Variants in LHX5 observed in about 807,000 individuals in gnomAD.
The protein encoded by LHX5 is LIM/homeobox protein Lhx5.
In LHX5, 5 loss-of-function variants were observed where a neutral mutation model predicts 30.6. The observed-to-expected ratio is 0.16, with a 90% CI of 0.09 to 0.34. The LOEUF is 0.34. Among genes scored for constraint, LHX5 ranks in the 10% least tolerant of loss-of-function variants. The pLI is 1.00. For synonymous variants in LHX5, 266 were observed against 252.6 expected, an observed-to-expected ratio of 1.05 and a Z score of -0.50; for missense variants, 458 against 570.6, an observed-to-expected ratio of 0.80 and a Z score of 2.01.
At chr12:113,471,297 G>T in intron 1 of LHX5, 29 bp downstream of exon 1, 1 of 1,609,810 alleles carries the variant, frequency 6.2e-7, no homozygotes, top group Non-Finnish European at 8.5e-7. Flanking sequence ...GGGTGGGCGC[G>T]CAGGCAGCAG....
chr12:113,469,081 G>T, intron 2 of LHX5, 41 bp downstream of exon 2: 5 of 1,478,144 alleles, frequency 3.4e-6, no homozygotes, highest in Non-Finnish European at 4.6e-6. Context: ...CGGTGGGAGG[G>T]TGCTAAGGCC....
In LHX5 at chr12:113,463,352, G is replaced by T; in HGVS notation, c.1047C>A (p.Asp349Glu). 1 of 1,548,256 alleles carries T rather than the reference G, an allele frequency of 6.5e-7. No individual in the cohort carries two copies. The highest frequency in any genetic ancestry group is 2.5e-5 in the East Asian group (1 of 40,458). ...PRFTDMISHP[D>E]TPSPEPGLPG... is the part of the protein sequence containing the mutation. ...GCAGGCCTGGCTCGGGGCTCGGTGT[G>T]TCCGGGTGCGAGATCATGTCGGTGA... The change falls in exon 5 of 5, where the codon GAC (aspartate) becomes GAA (glutamate). Residue 349 changes from aspartate to glutamate, a missense_variant. Around this residue, in one of 3 missense-constraint regions of LHX5, gnomAD observed 255 missense variants for 246.8 expected, o/e 1.03. Coordinates refer to ENST00000261731, the MANE Select transcript of LHX5 (RefSeq NM_022363.3). The surrounding 1 kb of genome is among the most constrained non-coding windows in gnomAD (Gnocchi z 6.7).
rs1323203602 is a variant in LHX5, at chr12:113,464,520, G to A, written c.842-963C>T. On this transcript the variant is annotated intron_variant, in intron 4 of 4. Transcript: ENST00000261731. The surrounding 1 kb of genome is among the most constrained non-coding windows in gnomAD (Gnocchi z 6.2). ...GTACGGCCGCCGCGTCGATCCCGGT[G>A]AGACCATTTGTACCGGCCTAGCCTA... Among the ~76,000 whole-genome samples the A allele has an allele frequency of 2.0e-5, 3 of 152,198 alleles. No homozygotes were observed. Among genetic ancestry groups the A allele is most frequent in the Non-Finnish European group, 4.4e-5 (3 of 68,024 alleles).
In LHX5 at chr12:113,463,505, G is replaced by A. The variant is rs373410781; in HGVS notation, c.894C>T (p.His298=). The A allele has an allele frequency of 3.8e-6, 6 of 1,564,974 alleles. No individual in the cohort carries two copies. The highest frequency in any genetic ancestry group is 5.2e-6 in the Non-Finnish European group (6 of 1,163,328). ...APGSNYDFFA[H]GPPSQAQSPA... is the part of the protein sequence containing the mutation. The stretch of plus-strand genomic sequence containing the variant: ...GGGACTGCGCCTGCGAAGGCGGGCC[G>A]TGCGCGAAGAAGTCGTAGTTGCTTC... Residue 298 remains histidine, a synonymous_variant, in exon 5 of 5, where the codon CAC becomes CAT. Transcript: ENST00000261731. This position sits in a 1 kb window ranked among gnomAD's most constrained non-coding sequence, Gnocchi z 6.7.
rs1958252253 is a variant in LHX5, at chr12:113,471,574, G to C, written c.-76C>G. The C allele has an allele frequency of 7.3e-7, 1 of 1,370,576 alleles. No individual in the cohort carries two copies. The highest frequency in any genetic ancestry group is 2.5e-5 in the East Asian group (1 of 39,974). 84.9% of individuals were successfully genotyped at this position (1,370,576 alleles called of 1,614,324 possible). Reference sequence around the variant, plus strand: ...GGCCCTCGGGCCTGCCGGGCCCTCCGCTGCCCTTCGCCTCTTGTCTCAGCA... The same window carrying C: ...GGCCCTCGGGCCTGCCGGGCCCTCCCCTGCCCTTCGCCTCTTGTCTCAGCA... On this transcript the variant is annotated 5_prime_UTR_variant, in exon 1 of 5. Transcript: ENST00000261731.
Position 113,463,188 on chromosome 12 carries a change from C to T in LHX5, c.*2G>A, listed in dbSNP as rs1234036576. ...CCGAGCGCGGGGGGCGGCCCGGCGG[C>T]CTTACCACACGGCGGCTTCGTTGAG... is the stretch of plus-strand genomic sequence containing the variant. On this transcript the variant is annotated 3_prime_UTR_variant, in exon 5 of 5. Transcript: ENST00000261731. This position sits in a 1 kb window ranked among gnomAD's most constrained non-coding sequence, Gnocchi z 6.7. The T allele has an allele frequency of 2.0e-6, 3 of 1,510,338 alleles. No homozygotes were observed. The highest frequency in any genetic ancestry group is 1.4e-5 in the African/African-American group (1 of 69,138). 93.6% of individuals were successfully genotyped at this position (1,510,338 alleles called of 1,614,324 possible). A position where few individuals can be genotyped will look rare whatever the true frequency, so the allele number is the denominator to read the frequency against.
rs1422462265 is a variant in LHX5, at chr12:113,466,665, G to C, written c.841+591C>G. Among the ~76,000 whole-genome samples the C allele has an allele frequency of 6.6e-6, 1 of 152,218 alleles. No homozygotes were observed. Among genetic ancestry groups the C allele is most frequent in the Non-Finnish European group, 1.5e-5 (1 of 68,038 alleles). ...CTGTGCGCACACACCCCGCCACATG[G>C]AACAGGAGTTGCTGCCTTCGATGCT... On this transcript the variant is annotated intron_variant, in intron 4 of 4. Coordinates refer to ENST00000261731, the MANE Select transcript of LHX5 (RefSeq NM_022363.3). The surrounding 1 kb of genome is among the most constrained non-coding windows in gnomAD (Gnocchi z 6.5).
rs1958214456 is a variant in LHX5 at position 113,466,192 on chromosome 12, C to T, written c.841+1064G>A. Among the ~76,000 whole-genome samples the T allele has an allele frequency of 6.6e-6, 1 of 152,142 alleles. No individual in the cohort carries two copies. Among genetic ancestry groups the T allele is most frequent in the Non-Finnish European group, 1.5e-5 (1 of 68,032 alleles). On this transcript the variant is annotated intron_variant, in intron 4 of 4. Transcript: ENST00000261731. The surrounding 1 kb of genome is among the most constrained non-coding windows in gnomAD (Gnocchi z 6.5). ...GCGTTACAACTCAGAAGTGCAGATGCCTCTCAGACATAGACAGTCCTGGGG... is the reference window on the plus strand; with the variant it reads ...GCGTTACAACTCAGAAGTGCAGATGTCTCTCAGACATAGACAGTCCTGGGG...
chr12:113,463,015 C>T lies in LHX5; in HGVS notation c.*175G>A, dbSNP rs551735433. 7.3e-5 allele frequency: 42 copies of T among 574,614 alleles called. No homozygotes were observed. In the East Asian group the frequency reaches 1.4e-3, roughly 20 times the overall value. The allele number at this position is 574,614 out of a possible 1,614,324, so 35.6% of individuals were successfully genotyped here. ...GAGCCCGCGGGGTGGAGATGGGGGTCGGCCCCCCCTCGGCGCCCAGCCGAG... is the reference window on the plus strand; with the variant it reads ...GAGCCCGCGGGGTGGAGATGGGGGTTGGCCCCCCCTCGGCGCCCAGCCGAG... On this transcript the variant is annotated 3_prime_UTR_variant, in exon 5 of 5. Transcript: ENST00000261731. This position sits in a 1 kb window ranked among gnomAD's most constrained non-coding sequence, Gnocchi z 6.7.
At chr12:113,468,504 C>A (rs2136978828) in intron 2 of LHX5, 100 bp from the exon 3 acceptor site, 2 of 1,394,716 alleles carry the variant, frequency 1.4e-6, no homozygotes, top group African/African-American at 1.4e-5. Context: ...CTACGGCCTG[C>A]CCAGGCTACG....
chr12:113,469,805 C>T (rs891156052), intron 1 of LHX5, among the ~76,000 whole-genome samples: 1 of 152,208 alleles, frequency 6.6e-6, no homozygotes, highest in Non-Finnish European at 1.5e-5. Flanking sequence ...GGCCAATCTG[C>T]CTGGCTGGCT....
intron 1 of LHX5, among the ~76,000 whole-genome samples, chr12:113,470,262 A>G (rs966877947): frequency 9.2e-5 from 14 of 152,082 alleles, no homozygotes; most frequent in East Asian, 1.9e-4. Context: ...ACTCACACCC[A>G]TGTCTCTAAA....
In LHX5 at chr12:113,467,056, G is replaced by A. The variant is rs528547984; in HGVS notation, c.841+200C>T. ...GTCACTGTATCTCGTGTGTGCTTCTGTGTGCATCACTGTATGGGTGAGACC... is the reference window on the plus strand; with the variant it reads ...GTCACTGTATCTCGTGTGTGCTTCTATGTGCATCACTGTATGGGTGAGACC... On this transcript the variant is annotated intron_variant, in intron 4 of 4. Transcript: ENST00000261731. The surrounding 1 kb of genome is among the most constrained non-coding windows in gnomAD (Gnocchi z 6.3). Among the ~76,000 whole-genome samples, 67 of 151,960 alleles carry A rather than the reference G, an allele frequency of 4.4e-4. 2 individuals are homozygous for A. The South Asian group carries it at 6.9e-3, about 16-fold the overall frequency.
Position 113,462,867 on chromosome 12 carries a change from G to A in LHX5, c.*323C>T, listed in dbSNP as rs866804703. The A allele has an allele frequency of 1.0e-5, 2 of 197,992 alleles. No individual in the cohort carries two copies. Among genetic ancestry groups the A allele is most frequent in the Admixed American group, 6.4e-5 (1 of 15,566 alleles). 12.3% of individuals were successfully genotyped at this position (197,992 alleles called of 1,614,324 possible). The stretch of plus-strand genomic sequence containing the variant: ...GGTGGCGGTGGCTGGGTGGGTGGGT[G>A]GGGGCCCGGGGAAAGTCTAGAGCGT... On this transcript the variant is annotated 3_prime_UTR_variant, in exon 5 of 5. Transcript: ENST00000261731.
chr12:113,468,277 G>C lies in LHX5; in HGVS notation c.525C>G (p.Asn175Lys), dbSNP rs1418316675. Reference protein sequence around the residue: ...ETANNENEEQNSGTKRRGPRT... With the variant: ...ETANNENEEQKSGTKRRGPRT... ...GGGGGCCGCGCCGCTTGGTGCCCGA[G>C]TTCTGCTCCTCGTTCTCGTTGTTGG... is the stretch of plus-strand genomic sequence containing the variant. Residue 175 changes from asparagine (N) to lysine (K), a missense_variant, in exon 3 of 5, where the codon AAC (asparagine) becomes AAG (lysine). Around this residue, in one of 3 missense-constraint regions of LHX5, gnomAD observed 178 missense variants for 238.5 expected, o/e 0.75. Transcript: ENST00000261731. 1.9e-6 allele frequency: 3 copies of C among 1,614,166 alleles called. No homozygotes were observed. The highest frequency in any genetic ancestry group is 1.3e-5 in the African/African-American group (1 of 75,074).
At position 113,463,258 on chromosome 12, in the gene LHX5, C is replaced by G; in HGVS notation, c.1141G>C (p.Gly381Arg). ...GGPSPPFPMSGTSGYSGPLSH... is the reference protein window; with the variant it reads ...GGPSPPFPMSRTSGYSGPLSH... ...AGGGGTCCGCTGTAGCCGCTGGTGC[C>G]GCTCATTGGGAAGGGCGGGCTGGGC... The change falls in exon 5 of 5, where the codon GGC becomes CGC. Residue 381 changes from glycine (G) to arginine (R), a missense_variant. By Grantham distance (125) the Gly-to-Arg change is moderately radical. Around this residue, in one of 3 missense-constraint regions of LHX5, gnomAD observed 255 missense variants for 246.8 expected, o/e 1.03. Transcript: ENST00000261731. This position sits in a 1 kb window ranked among gnomAD's most constrained non-coding sequence, Gnocchi z 6.7. 6.6e-7 allele frequency: 1 copy of G among 1,526,112 alleles called. No individual in the cohort carries two copies. The highest frequency in any genetic ancestry group is 2.0e-5 in the Admixed American group (1 of 49,410). 94.5% of individuals were successfully genotyped at this position (1,526,112 alleles called of 1,614,324 possible). A position where few individuals can be genotyped will look rare whatever the true frequency, so the allele number is the denominator to read the frequency against.
rs1469688345 is a variant in LHX5, at chr12:113,468,141, T to G, written c.661A>C (p.Met221Leu). The change falls in exon 3 of 5, where the codon ATG (methionine) becomes CTG (leucine). Residue 221 changes from methionine (M) to leucine (L), a missense_variant. Met to Leu is a conservative substitution (Grantham distance 15). Transcript: ENST00000261731. ...CCGGGCCGCACCTGGATGACGCGCATGTTGAGGCCGGTCTCCTGCGCCAGC... is the reference window on the plus strand; with the variant it reads ...CCGGGCCGCACCTGGATGACGCGCAGGTTGAGGCCGGTCTCCTGCGCCAGC... ...EQLAQETGLN[M>L]RVIQVWFQNR... 2 of 1,595,778 alleles carry G rather than the reference T, an allele frequency of 1.3e-6. No individual in the cohort carries two copies. The highest frequency in any genetic ancestry group is 2.2e-5 in the South Asian group (2 of 89,422).
chr12:113,470,203 G>T (rs1958239828), intron 1 of LHX5, among the ~76,000 whole-genome samples: 1 of 151,872 alleles, frequency 6.6e-6, no homozygotes, highest in African/African-American at 2.4e-5. Context: ...TGAGGCTCAG[G>T]TTGGGGGTGG....
rs1430848539 is a variant in LHX5 at position 113,464,386 on chromosome 12, C to CG, written c.842-830dup. Among the ~76,000 whole-genome samples, 11 of 144,060 alleles carry CG rather than the reference C, an allele frequency of 7.6e-5. No homozygotes were observed. The highest frequency in any genetic ancestry group is 2.7e-4 in the African/African-American group (11 of 40,216). 94.5% of individuals were successfully genotyped at this position (144,060 alleles called of 152,430 possible). A position where few individuals can be genotyped will look rare whatever the true frequency, so the allele number is the denominator to read the frequency against. On this transcript the variant is annotated intron_variant, in intron 4 of 4. Coordinates refer to ENST00000261731, the MANE Select transcript of LHX5 (RefSeq NM_022363.3). This position sits in a 1 kb window ranked among gnomAD's most constrained non-coding sequence, Gnocchi z 6.2. ...CGACCTGGCCGGGGGAAACTGGATC[C>CG]GGGCCGCGGCAGGAGCGACTGGTGG...
Sources: gnomAD v4.1 joint callset for allele counts (sites outside exome capture counted in the v4.1 genomes callset) on GRCh38, gnomAD v4.1.1 for gene constraint, gnomAD v4.1.1 regional missense constraint, Gnocchi (gnomAD v3.1) non-coding constraint, MANE v1.5 for transcripts, NCBI Gene and HGNC (gene_info 2026-07-23, HGNC 2026-07-21) for gene names.